ARFGEF2: variants seen among roughly 807,000 people sequenced by gnomAD.
ARFGEF2 encodes the protein ARF guanine nucleotide exchange factor 2.
A neutral mutation model predicts 219.9 loss-of-function variants in ARFGEF2; 74 were observed. The observed-to-expected ratio is 0.34, with a 90% CI of 0.28 to 0.41. The LOEUF is 0.41. Ranked by LOEUF, ARFGEF2 falls within the 10% of genes least tolerant of loss-of-function variation. ARFGEF2 has a pLI of 1.00. For synonymous variants in ARFGEF2, 733 were observed against 799.2 expected, an observed-to-expected ratio of 0.92 and a Z score of 1.40; for missense variants, 1,743 against 2,218.3, an observed-to-expected ratio of 0.79 and a Z score of 4.30.
intron 8 of ARFGEF2, 82 bp from the exon 9 acceptor site, chr20:48,969,065 A>G (rs1005560211): frequency 4.1e-6 from 6 of 1,480,198 alleles, no homozygotes; most frequent in Non-Finnish European, 5.6e-6. Flanking sequence ...GGCTCAGTGG[A>G]TCCTCCTGCC....
chr20:48,989,477 G>A, intron 19 of ARFGEF2, 41 bp downstream of exon 19: 1 of 1,614,228 alleles, frequency 6.2e-7, no homozygotes, highest in Non-Finnish European at 8.5e-7. Flanking sequence ...GGCTAAGCCT[G>A]ATTCTGAAGC....
intron 14 of ARFGEF2, among the ~76,000 whole-genome samples, chr20:48,983,204 C>T (rs6019571): frequency 6.6e-6 from 1 of 152,060 alleles, no homozygotes; most frequent in Non-Finnish European, 1.5e-5. Flanking sequence ...CATCATGAGA[C>T]CTTAACTGAA....
intron 18 of ARFGEF2, 63 bp from the exon 19 acceptor site, chr20:48,989,222 T>C: frequency 6.4e-7 from 1 of 1,568,792 alleles, no homozygotes; most frequent in Non-Finnish European, 8.8e-7. Context: ...TTTGAAACAG[T>C]GTATGGCATG....
chr20:48,984,589 G>A (rs2091315856), intron 14 of ARFGEF2, 140 bp from the exon 15 acceptor site: 8 of 1,107,954 alleles, frequency 7.2e-6, no homozygotes, highest in Non-Finnish European at 9.4e-6. Flanking sequence ...TAGAAAAGCT[G>A]CCAGGACAGA....
intron 14 of ARFGEF2, among the ~76,000 whole-genome samples, chr20:48,977,867 C>G (rs1180380769): frequency 1.3e-5 from 2 of 152,088 alleles, no homozygotes; most frequent in African/African-American, 4.8e-5. Context: ...TTTGTAGATT[C>G]TGGATATTAG....
At chr20:49,018,635 G>A (rs2091545575) in intron 33 of ARFGEF2, among the ~76,000 whole-genome samples, 1 of 152,172 alleles carries the variant, frequency 6.6e-6, no homozygotes, top group Non-Finnish European at 1.5e-5. Flanking sequence ...ATCCTAATAT[G>A]TAGAGAAATG....
rs1413723845 is a variant in ARFGEF2, at chr20:49,036,286, C to G, written c.*3087C>G. 2 of 398,154 alleles carry G rather than the reference C, an allele frequency of 5.0e-6. No individual in the cohort carries two copies. Among genetic ancestry groups the G allele is most frequent in the Non-Finnish European group, 8.9e-6 (2 of 225,924 alleles). 24.7% of individuals were successfully genotyped at this position (398,154 alleles called of 1,614,324 possible). ...AGTTTGGGAAACAAAGAAACCAAAGCTGAGTGTTTTAAAGAATGAACATAT... is the reference window on the plus strand; with the variant it reads ...AGTTTGGGAAACAAAGAAACCAAAGGTGAGTGTTTTAAAGAATGAACATAT... On this transcript the variant is annotated 3_prime_UTR_variant, in exon 39 of 39. Transcript: ENST00000371917.
chr20:48,988,466 G>A, intron 17 of ARFGEF2, 25 bp from the exon 18 acceptor site: 2 of 1,610,278 alleles, frequency 1.2e-6, no homozygotes, highest in Non-Finnish European at 8.5e-7. Flanking sequence ...TTTTTTAAAT[G>A]GTTTTTAATT....
At position 48,940,703 on chromosome 20, in the gene ARFGEF2, A is replaced by G. The variant is rs144187882; in HGVS notation, c.122-496A>G. Among the ~76,000 whole-genome samples, 476 of 152,294 alleles carry G rather than the reference A, an allele frequency of 3.1e-3. 2 individuals are homozygous for G. Among genetic ancestry groups the G allele is most frequent in the African/African-American group, 0.011 (462 of 41,570 alleles). On this transcript the variant is annotated intron_variant, in intron 1 of 38. Coordinates refer to ENST00000371917, the MANE Select transcript of ARFGEF2 (RefSeq NM_006420.3). Reference sequence around the variant, plus strand: ...GTGCCTTGGTTTCCTCATCAAAATCATTGCTTCTCATCAAGAGCAGTTTTG... The same window carrying G: ...GTGCCTTGGTTTCCTCATCAAAATCGTTGCTTCTCATCAAGAGCAGTTTTG...
In ARFGEF2 at chr20:48,947,728, C is replaced by T. The variant is rs778103071; in HGVS notation, c.277-3595C>T. On this transcript the variant is annotated intron_variant, in intron 3 of 38. Coordinates refer to ENST00000371917, the MANE Select transcript of ARFGEF2 (RefSeq NM_006420.3). ...AAAATTAGCCAGGCATAGTGGCATGCGCCTGTGGTTCCAACTACTCAGGAG... is the reference window on the plus strand; with the variant it reads ...AAAATTAGCCAGGCATAGTGGCATGTGCCTGTGGTTCCAACTACTCAGGAG... Among the ~76,000 whole-genome samples, 6 of 152,068 alleles carry T rather than the reference C, an allele frequency of 3.9e-5. No homozygotes were observed. In the South Asian group the frequency reaches 8.3e-4, roughly 21 times the overall value.
At chr20:48,977,721 C>T (rs892078271) in intron 14 of ARFGEF2, among the ~76,000 whole-genome samples, 44 of 152,274 alleles carry the variant, frequency 2.9e-4, no homozygotes, top group Admixed American at 2.4e-3. Flanking sequence ...ATTTCTCTTA[C>T]GACCAGTGAT....
At chr20:48,971,537 A>T (rs1192755321) in intron 10 of ARFGEF2, among the ~76,000 whole-genome samples, 183 bp downstream of exon 10, 1 of 152,202 alleles carries the variant, frequency 6.6e-6, no homozygotes, top group Non-Finnish European at 1.5e-5. Flanking sequence ...GGTAAATGGC[A>T]TATTCATCGG....
Position 48,973,156 on chromosome 20 carries a change from G to A in ARFGEF2, c.1537G>A (p.Val513Ile). Residue 513 changes from valine to isoleucine, a missense_variant, in exon 12 of 39, where the codon GTT becomes ATT. By Grantham distance (29) the Val-to-Ile change is conservative. Around this residue, in one of 5 missense-constraint regions of ARFGEF2, gnomAD observed 666 missense variants for 955.4 expected, o/e 0.70. Coordinates refer to ENST00000371917, the MANE Select transcript of ARFGEF2 (RefSeq NM_006420.3). ...TGTTATTTTCCAAGATGCCCAGTGT[G>A]TTGTGGATATTTATGTCAACTACGA... ...LTRICADAQCVVDIYVNYDCD... is the reference protein window; with the variant it reads ...LTRICADAQCIVDIYVNYDCD... 1 of 1,614,152 alleles carries A rather than the reference G, an allele frequency of 6.2e-7. No homozygotes were observed. Among genetic ancestry groups the A allele is most frequent in the South Asian group, 1.1e-5 (1 of 91,086 alleles).
chr20:48,989,302 C>T lies in ARFGEF2; in HGVS notation c.2551C>T (p.Gln851Ter). Reference sequence around the variant, plus strand: ...CTTTACAGATGTAGCTAGTGAAAAGCAGCGGCGGCTGCTGTACAACTTAGA... The same window carrying T: ...CTTTACAGATGTAGCTAGTGAAAAGTAGCGGCGGCTGCTGTACAACTTAGA... ...STKQNVASEK[Q>*]RRLLYNLEME... is the part of the protein sequence containing the mutation. Residue 851 changes from glutamine (Q) to a stop codon, truncating the protein, a stop_gained, in exon 19 of 39, where the codon CAG becomes TAG. Transcript: ENST00000371917. LOFTEE classifies it high-confidence loss of function. 1 of 1,614,088 alleles carries T rather than the reference C, an allele frequency of 6.2e-7. No individual in the cohort carries two copies. The highest frequency in any genetic ancestry group is 8.5e-7 in the Non-Finnish European group (1 of 1,179,940).
Position 48,971,135 on chromosome 20 carries a change from T to A in ARFGEF2, c.1206T>A (p.Arg402=). 6.2e-7 allele frequency: 1 copy of A among 1,614,198 alleles called. No individual in the cohort carries two copies. The highest frequency in any genetic ancestry group is 8.5e-7 in the Non-Finnish European group (1 of 1,180,026). ...TCTTTGCCAGATCCCATGAGCTGCGTTCCAAGGTGGTTTCCCTGCAGCTGC... is the reference window on the plus strand; with the variant it reads ...TCTTTGCCAGATCCCATGAGCTGCGATCCAAGGTGGTTTCCCTGCAGCTGC... ...GPPDPKSHEL[R]SKVVSLQLLL... is the part of the protein sequence containing the mutation. Residue 402 remains arginine, a synonymous_variant, in exon 10 of 39, where the codon CGT becomes CGA. Coordinates refer to ENST00000371917, the MANE Select transcript of ARFGEF2 (RefSeq NM_006420.3).
chr20:48,994,039 G>C (rs2091372109), intron 21 of ARFGEF2, among the ~76,000 whole-genome samples: 1 of 152,224 alleles, frequency 6.6e-6, no homozygotes, highest in Non-Finnish European at 1.5e-5. Flanking sequence ...AGATCTCTTT[G>C]AGAGGGACAC....
Position 49,013,889 on chromosome 20 carries a change from T to G in ARFGEF2, c.4108T>G (p.Trp1370Gly). The G allele has an allele frequency of 6.2e-7, 1 of 1,614,138 alleles. No individual in the cohort carries two copies. Residue 1370 changes from tryptophan (W) to glycine (G), a missense_variant, in exon 30 of 39, where the codon TGG becomes GGG. By Grantham distance (184) the Trp-to-Gly change is radical. This residue lies in a region of ARFGEF2 where 578 missense variants were observed against 664.0 expected (regional missense o/e 0.87). Coordinates refer to ENST00000371917, the MANE Select transcript of ARFGEF2 (RefSeq NM_006420.3). ...CTATGGCCACACCTTTGAAAAGCAC[T>G]GGTGGCAGGACCTGTTCAGAATCGT... ...KSYGHTFEKHWWQDLFRIVFR... is the reference protein window; with the variant it reads ...KSYGHTFEKHGWQDLFRIVFR...
At chr20:48,942,218 TC>T (rs1414686439) in intron 3 of ARFGEF2, among the ~76,000 whole-genome samples, 1 of 152,210 alleles carries the variant, frequency 6.6e-6, no homozygotes, top group African/African-American at 2.4e-5. Flanking sequence ...TCTTATTTGT[TC>T]ATGTCTTGTG....
chr20:49,010,547 G>A (rs925534692), intron 27 of ARFGEF2, 143 bp downstream of exon 27: 16 of 930,356 alleles, frequency 1.7e-5, no homozygotes, highest in East Asian at 5.2e-5. Context: ...TGTTGTAAGC[G>A]CTTGATGAGT....
Sources: allele counts gnomAD v4.1 joint callset (sites outside exome capture counted in the v4.1 genomes callset), GRCh38; gene constraint gnomAD v4.1.1; regional missense constraint gnomAD v4.1.1; transcripts MANE v1.5; gene names NCBI Gene and HGNC (gene_info 2026-07-23, HGNC 2026-07-21).